DLC1: variants seen among roughly 807,000 people sequenced by gnomAD.
The protein encoded by DLC1 is rho GTPase-activating protein 7.
DLC1 carries 54 observed loss-of-function variants against 140.3 expected under a neutral mutation model. That is an observed-to-expected ratio of 0.38 (90% CI 0.31 to 0.48). The LOEUF (loss-of-function observed/expected upper bound fraction) is 0.48. Ranked by LOEUF, DLC1 falls within the 20% of genes least tolerant of loss-of-function variation. The pLI, the probability that DLC1 is intolerant of heterozygous loss-of-function variation, is 0.96. For missense variants in DLC1, 2,536 were observed against 1,907.0 expected (o/e 1.33, Z -6.14); for synonymous variants, 986 against 728.1 (o/e 1.35, Z -5.70).
At position 13,401,628 on chromosome 8, in the gene DLC1, C is replaced by G. The variant is rs897887475; in HGVS notation, c.1024-9G>C. 2 of 1,608,478 alleles carry G rather than the reference C, an allele frequency of 1.2e-6. No individual in the cohort carries two copies. The highest frequency in any genetic ancestry group is 1.7e-6 in the Non-Finnish European group (2 of 1,177,886). ...CGATCTTCTCTTATTTCCTGAGGAA[C>G]AGAACATTTTGTTACTGAATCTGAA... On this transcript the variant is annotated splice_polypyrimidine_tract_variant and intron_variant, in intron 2 of 17. Coordinates refer to ENST00000276297, the MANE Select transcript of DLC1 (RefSeq NM_182643.3).
At chr8:13,573,583 T>C (rs1001155288) in intron 1 of DLC1, among the ~76,000 whole-genome samples, 3 of 152,218 alleles carry the variant, frequency 2.0e-5, no homozygotes, top group African/African-American at 7.2e-5. Flanking sequence ...ATTTTACTTA[T>C]GGGTTTTCAT....
At chr8:13,216,023 G>A (rs149201920) in intron 5 of DLC1, among the ~76,000 whole-genome samples, 2 of 151,986 alleles carry the variant, frequency 1.3e-5, no homozygotes, top group Non-Finnish European at 2.9e-5. Flanking sequence ...CCATTCTCTC[G>A]CAGTTCCCAT....
chr8:13,214,557 C>T (rs1237753436), intron 5 of DLC1: 3 of 580,426 alleles, frequency 5.2e-6, no homozygotes, highest in African/African-American at 4.2e-5. Flanking sequence ...CCAACCCCAC[C>T]TTTTTTTTTT....
chr8:13,588,021 G>T (rs145750756), intron 1 of DLC1, among the ~76,000 whole-genome samples: 1 of 151,970 alleles, frequency 6.6e-6, no homozygotes, highest in African/African-American at 2.4e-5. Context: ...TTATTATATA[G>T]GTCCTACTTC....
chr8:13,566,782 G>A (rs1428011780), intron 1 of DLC1: 9 of 630,010 alleles, frequency 1.4e-5, no homozygotes, highest in Admixed American at 7.2e-5. Context: ...TGGGGAGCGC[G>A]GAGGAAAAGG....
At chr8:13,534,840 T>C (rs925622317) in intron 1 of DLC1, among the ~76,000 whole-genome samples, 6 of 152,180 alleles carry the variant, frequency 3.9e-5, no homozygotes, top group African/African-American at 9.7e-5. Context: ...CACCACTTCA[T>C]GAGTCTTTGA....
rs957824078 is a variant in DLC1 at position 13,096,292 on chromosome 8, C to G, written c.3168-1047G>C. ...TTGGTGGGATGGGGGTGGGCCACTC[C>G]GAAATGAGAATCTAAAATATGCAGT... On this transcript the variant is annotated intron_variant, in intron 10 of 17. Coordinates refer to ENST00000276297, the MANE Select transcript of DLC1 (RefSeq NM_182643.3). Among the ~76,000 whole-genome samples the G allele has an allele frequency of 2.0e-5, 3 of 151,988 alleles. No homozygotes were observed. In the South Asian group the frequency reaches 6.2e-4, roughly 32 times the overall value.
intron 1 of DLC1, among the ~76,000 whole-genome samples, chr8:13,590,452 A>T (rs979755333): frequency 6.6e-6 from 1 of 152,106 alleles, no homozygotes; most frequent in African/African-American, 2.4e-5. Flanking sequence ...TCATGAAAAC[A>T]GCTGGTTCTT....
chr8:13,403,439 C>A (rs1585047981), intron 2 of DLC1, among the ~76,000 whole-genome samples: 1 of 152,160 alleles, frequency 6.6e-6, no homozygotes, highest in East Asian at 1.9e-4. Flanking sequence ...GTAATTAAAT[C>A]CCAGTAATCA....
intron 1 of DLC1, among the ~76,000 whole-genome samples, chr8:13,581,610 A>G (rs1805102455): frequency 1.3e-5 from 2 of 152,294 alleles, no homozygotes; most frequent in Admixed American, 1.3e-4. Context: ...GGCTTAAACT[A>G]TTGAATTACA....
At chr8:13,429,529 G>A (rs1330454804) in intron 2 of DLC1, among the ~76,000 whole-genome samples, 4 of 151,910 alleles carry the variant, frequency 2.6e-5, no homozygotes, top group African/African-American at 4.8e-5. Flanking sequence ...AAAAAGCTTA[G>A]ATGTACAGCT....
intron 1 of DLC1, among the ~76,000 whole-genome samples, chr8:13,560,136 A>C (rs920746722): frequency 9.2e-5 from 14 of 152,242 alleles, no homozygotes; most frequent in Non-Finnish European, 2.1e-4. Context: ...TATACTGGGC[A>C]TATTCATTTT....
intron 1 of DLC1, among the ~76,000 whole-genome samples, chr8:13,597,431 TAAAATGCATATTAAA>T (rs1805719925): frequency 6.6e-6 from 1 of 152,092 alleles, no homozygotes; most frequent in African/African-American, 2.4e-5. Flanking sequence ...AATAGCATGT[TAAAATGCATATTAAA>T]AAAATAGCCT....
intron 1 of DLC1, among the ~76,000 whole-genome samples, chr8:13,584,714 A>G (rs936911680): frequency 2.0e-5 from 3 of 152,156 alleles, no homozygotes; most frequent in African/African-American, 4.8e-5. Context: ...AGGTAGGCAC[A>G]TTGAGATGTG....
intron 2 of DLC1, among the ~76,000 whole-genome samples, chr8:13,423,146 G>A (rs548300358): frequency 3.6e-4 from 55 of 152,140 alleles, no homozygotes; most frequent in Non-Finnish European, 5.9e-4. Flanking sequence ...GGTTTGCCTT[G>A]TCTACCAAGT....
rs182236292 is a variant in DLC1 at position 13,331,840 on chromosome 8, A to G, written c.1315-26538T>C. Among the ~76,000 whole-genome samples the G allele has an allele frequency of 4.1e-3, 626 of 152,302 alleles. 4 individuals are homozygous for G. The highest frequency in any genetic ancestry group is 0.014 in the African/African-American group (564 of 41,574). ...AAAGGAATAAAATATTGATATTGGC[A>G]CTGAGTCAGTCCTCACTCCTTGTTT... is the stretch of plus-strand genomic sequence containing the variant. On this transcript the variant is annotated intron_variant, in intron 4 of 17. Coordinates refer to ENST00000276297, the MANE Select transcript of DLC1 (RefSeq NM_182643.3).
intron 5 of DLC1, among the ~76,000 whole-genome samples, chr8:13,156,659 A>G (rs1291485059): frequency 1.3e-5 from 2 of 152,144 alleles, no homozygotes; most frequent in East Asian, 1.9e-4. Flanking sequence ...AAACTCTAGA[A>G]TGAAAGGTTA....
intron 16 of DLC1, among the ~76,000 whole-genome samples, chr8:13,087,514 G>C (rs1817662642): frequency 6.6e-6 from 1 of 152,200 alleles, no homozygotes; most frequent in Non-Finnish European, 1.5e-5. Context: ...TGCCTGGTCT[G>C]TGAGATTCTG....
chr8:13,535,980 T>C (rs568554585), intron 1 of DLC1: 2 of 152,238 alleles, frequency 1.3e-5, no homozygotes, highest in South Asian at 2.1e-4. Flanking sequence ...TATGTCTGTA[T>C]TGGATGTTGT....
Sources: gnomAD v4.1 joint callset for allele counts (sites outside exome capture counted in the v4.1 genomes callset) on GRCh38, gnomAD v4.1.1 for gene constraint, MANE v1.5 for transcripts, NCBI Gene and HGNC (gene_info 2026-07-23, HGNC 2026-07-21) for gene names.